The following UBE2E2 variants were observed in gnomAD, a reference collection of about 807,000 sequenced individuals.
UBE2E2 encodes ubiquitin conjugating enzyme E2 E2, also known as ubiquitin-conjugating enzyme E2 E2.
In UBE2E2, 6 loss-of-function variants were observed where a neutral mutation model predicts 24.7. The ratio of observed to expected loss-of-function variants is 0.24; its 90% CI spans 0.13 to 0.48. UBE2E2 has a LOEUF of 0.48. UBE2E2 is among the 20% of genes least tolerant of loss of function. The pLI is 0.99. For missense variants in UBE2E2, 169 were observed against 245.0 expected (o/e 0.69, Z 2.07); for synonymous variants, 104 against 83.6 (o/e 1.24, Z -1.33).
intron 3 of UBE2E2, among the ~76,000 whole-genome samples, chr3:23,361,795 A>G (rs1696120881): frequency 7.1e-6 from 1 of 140,454 alleles, no homozygotes; most frequent in Non-Finnish European, 1.5e-5. Context: ...AACTACTTGC[A>G]TCCCCAAAAA....
intron 3 of UBE2E2, among the ~76,000 whole-genome samples, chr3:23,290,729 A>C (rs1335878499): frequency 6.6e-6 from 1 of 151,744 alleles, no homozygotes; most frequent in Non-Finnish European, 1.5e-5. Flanking sequence ...AAAAAATATC[A>C]AATTTTATTA....
chr3:23,247,200 TA>T (rs1697435485), intron 3 of UBE2E2, among the ~76,000 whole-genome samples: 1 of 152,166 alleles, frequency 6.6e-6, no homozygotes, highest in Non-Finnish European at 1.5e-5. Flanking sequence ...AGAATTTATT[TA>T]TTCTCTTTTT....
At chr3:23,552,934 C>T (rs544362601) in intron 5 of UBE2E2, among the ~76,000 whole-genome samples, 6 of 152,004 alleles carry the variant, frequency 3.9e-5, no homozygotes, top group Non-Finnish European at 8.8e-5. Flanking sequence ...GCAAAATGTA[C>T]GAATAGTATT....
At chr3:23,559,676 C>CA (rs1372149457) in intron 5 of UBE2E2, among the ~76,000 whole-genome samples, 7 of 152,148 alleles carry the variant, frequency 4.6e-5, no homozygotes, top group African/African-American at 1.7e-4. Flanking sequence ...ATCATCTACT[C>CA]ATCACTCCAA....
intron 3 of UBE2E2, among the ~76,000 whole-genome samples, chr3:23,465,484 A>G (rs145522868): frequency 1.6e-3 from 242 of 152,356 alleles, no homozygotes; most frequent in African/African-American, 5.6e-3. Flanking sequence ...AGCCTTTGCT[A>G]ATTAAGAGTA....
At chr3:23,433,584 C>T (rs1473231031) in intron 3 of UBE2E2, among the ~76,000 whole-genome samples, 1 of 151,634 alleles carries the variant, frequency 6.6e-6, no homozygotes, top group Non-Finnish European at 1.5e-5. Context: ...CTATGATTAA[C>T]CAGAATATGT....
intron 3 of UBE2E2, among the ~76,000 whole-genome samples, chr3:23,309,540 G>T (rs996454356): frequency 2.0e-5 from 3 of 152,146 alleles, no homozygotes; most frequent in African/African-American, 7.2e-5. Flanking sequence ...GTTTTGTGGG[G>T]TAGGAATTGA....
intron 5 of UBE2E2, among the ~76,000 whole-genome samples, chr3:23,547,088 G>A (rs906013834): frequency 3.3e-5 from 5 of 152,124 alleles, no homozygotes; most frequent in Admixed American, 2.0e-4. Context: ...AAGAAATTAA[G>A]TTTTTTTGCT....
At chr3:23,563,553 G>A (rs1272777549) in intron 5 of UBE2E2, among the ~76,000 whole-genome samples, 2 of 152,068 alleles carry the variant, frequency 1.3e-5, no homozygotes, top group East Asian at 1.9e-4. Context: ...GTTGATTTGG[G>A]GTGGAGAGTT....
At chr3:23,429,509 C>T (rs1191215394) in intron 3 of UBE2E2, among the ~76,000 whole-genome samples, 1 of 152,026 alleles carries the variant, frequency 6.6e-6, no homozygotes, top group East Asian at 1.9e-4. Flanking sequence ...TAATTCATCC[C>T]GTCAACAGGC....
intron 5 of UBE2E2, among the ~76,000 whole-genome samples, chr3:23,558,889 C>T (rs556735887): frequency 6.6e-6 from 1 of 152,248 alleles, no homozygotes; most frequent in Admixed American, 6.5e-5. Context: ...AGCAAGACCC[C>T]ATTTCTTTTT....
intron 3 of UBE2E2, among the ~76,000 whole-genome samples, chr3:23,396,191 C>G (rs569706168): frequency 3.9e-4 from 59 of 150,566 alleles, no homozygotes; most frequent in African/African-American, 1.3e-3. Context: ...TTAATTTTGC[C>G]TATGAATTTG....
At chr3:23,465,752 C>T (rs1698907652) in intron 3 of UBE2E2, among the ~76,000 whole-genome samples, 1 of 152,198 alleles carries the variant, frequency 6.6e-6, no homozygotes. Flanking sequence ...TGATAAGTAT[C>T]ACCACATGTT....
At chr3:23,375,828 G>A (rs1696507547) in intron 3 of UBE2E2, among the ~76,000 whole-genome samples, 1 of 152,084 alleles carries the variant, frequency 6.6e-6, no homozygotes, top group South Asian at 2.1e-4. Context: ...CACTCTTGTT[G>A]CAGTTATTAC....
At chr3:23,552,715 A>C (rs147384206) in intron 5 of UBE2E2, among the ~76,000 whole-genome samples, 2 of 152,314 alleles carry the variant, frequency 1.3e-5, no homozygotes, top group African/African-American at 4.8e-5. Flanking sequence ...CATTTCTGTT[A>C]GCTGACCTCA....
At chr3:23,478,308 G>T (rs757576063) in intron 3 of UBE2E2, among the ~76,000 whole-genome samples, 1 of 152,208 alleles carries the variant, frequency 6.6e-6, no homozygotes, top group Non-Finnish European at 1.5e-5. Flanking sequence ...CAGGGGTAAG[G>T]ATAATTTATT....
intron 3 of UBE2E2, among the ~76,000 whole-genome samples, chr3:23,432,591 CCTTA>C (rs1038325962): frequency 5.3e-5 from 8 of 151,956 alleles, no homozygotes; most frequent in Non-Finnish European, 1.2e-4. Context: ...TTCTTTTTCT[CCTTA>C]CTTTCTCGTC....
In UBE2E2 at chr3:23,424,170, A is replaced by C. The variant is rs575594522; in HGVS notation, c.228-75438A>C. Reference sequence around the variant, plus strand: ...CCTTCAGAAAATACCCAATTGAATAAGATATAAATGTTTAAGGAACTTTTT... The same window carrying C: ...CCTTCAGAAAATACCCAATTGAATACGATATAAATGTTTAAGGAACTTTTT... On this transcript the variant is annotated intron_variant, in intron 3 of 5. Transcript: ENST00000396703. Among the ~76,000 whole-genome samples the C allele has an allele frequency of 1.2e-4, 18 of 152,320 alleles. No individual in the cohort carries two copies. In the South Asian group the frequency reaches 3.7e-3, roughly 32 times the overall value.
At chr3:23,545,904 C>G (rs1251809640) in intron 5 of UBE2E2, among the ~76,000 whole-genome samples, 2 of 152,162 alleles carry the variant, frequency 1.3e-5, no homozygotes, top group South Asian at 2.1e-4. Context: ...TGAAGTAACT[C>G]AGGAATTGAA....
Sources: gnomAD v4.1 joint callset for allele counts (sites outside exome capture counted in the v4.1 genomes callset) on GRCh38, gnomAD v4.1.1 for gene constraint, MANE v1.5 for transcripts, NCBI Gene and HGNC (gene_info 2026-07-23, HGNC 2026-07-21) for gene names.